The following ERC1 variants were observed in gnomAD, a reference collection of about 807,000 sequenced individuals.
The protein encoded by ERC1 is RAB6 interacting protein 2.
A neutral mutation model predicts 132.0 loss-of-function variants in ERC1; 56 were observed. The observed-to-expected ratio is 0.42, with a 90% CI of 0.34 to 0.53. The LOEUF is 0.53. Ranked by LOEUF, ERC1 falls within the 20% of genes least tolerant of loss-of-function variation. The pLI, the probability that ERC1 is intolerant of heterozygous loss-of-function variation, is 0.03. For missense variants in ERC1, 1,202 were observed against 1,349.9 expected (o/e 0.89, Z 1.72); for synonymous variants, 478 against 476.1 (o/e 1.00, Z -0.05).
chr12:1,095,277 A>G (rs1282175609), intron 3 of ERC1, among the ~76,000 whole-genome samples: 1 of 151,842 alleles, frequency 6.6e-6, no homozygotes, highest in African/African-American at 2.4e-5. Flanking sequence ...TAAAAATACA[A>G]ATATTAGCCA....
chr12:1,185,619 G>C (rs922605669), intron 11 of ERC1, among the ~76,000 whole-genome samples: 1 of 151,700 alleles, frequency 6.6e-6, no homozygotes, highest in Non-Finnish European at 1.5e-5. Context: ...GAAAGTCCCA[G>C]TTGATAGTTT....
At chr12:1,385,443 C>T (rs1421795576) in intron 16 of ERC1, among the ~76,000 whole-genome samples, 2 of 152,134 alleles carry the variant, frequency 1.3e-5, no homozygotes, top group Non-Finnish European at 2.9e-5. Flanking sequence ...CCACCACGCC[C>T]TGCTAATTTT....
chr12:1,440,435 T>C (rs1240331650), intron 17 of ERC1, among the ~76,000 whole-genome samples: 1 of 150,978 alleles, frequency 6.6e-6, no homozygotes, highest in Non-Finnish European at 1.5e-5. Flanking sequence ...CTCGATCTCC[T>C]GACCTCGTGA....
rs73600001 is a variant in ERC1, at chr12:1,469,245, C to G, written c.3214-20848C>G. Among the ~76,000 whole-genome samples, 1,094 of 152,330 alleles carry G rather than the reference C, an allele frequency of 7.2e-3. 24 individuals carry two copies. The highest frequency in any genetic ancestry group is 0.026 in the African/African-American group (1,063 of 41,576). ...CTTGAGCCCAGCTCTTGAGCACTGT[C>G]TGGTGTGGCACCCTGCAGGCTGCCA... On this transcript the variant is annotated intron_variant, in intron 18 of 18. Transcript: ENST00000360905.
intron 12 of ERC1, among the ~76,000 whole-genome samples, chr12:1,205,033 G>A (rs558116845): frequency 2.0e-5 from 3 of 152,228 alleles, no homozygotes; most frequent in East Asian, 1.9e-4. Context: ...AAACAGCAAC[G>A]ATTACTGCTA....
chr12:1,300,866 T>G (rs1405436284), intron 15 of ERC1, among the ~76,000 whole-genome samples: 1 of 151,962 alleles, frequency 6.6e-6, no homozygotes, highest in African/African-American at 2.4e-5. Context: ...ATAAATTAGT[T>G]CAACCATTGT....
In ERC1 at chr12:1,359,796, G is replaced by A. The variant is rs1053778369; in HGVS notation, c.2781-12037G>A. On this transcript the variant is annotated intron_variant, in intron 15 of 18. Transcript: ENST00000360905. ...TTATAATGTTTCACCGTAAACTGTAGTTCCCTACATATTATATTGAAAGGA... is the reference window on the plus strand; with the variant it reads ...TTATAATGTTTCACCGTAAACTGTAATTCCCTACATATTATATTGAAAGGA... 5.9e-5 allele frequency among the ~76,000 whole-genome samples: 9 copies of A among 152,142 alleles called. No individual in the cohort carries two copies. In the South Asian group the frequency reaches 1.0e-3, roughly 18 times the overall value.
chr12:1,070,624 T>C (rs1940172298), intron 2 of ERC1, among the ~76,000 whole-genome samples: 1 of 152,212 alleles, frequency 6.6e-6, no homozygotes, highest in South Asian at 2.1e-4. Flanking sequence ...TCCTACTTGT[T>C]AAGAGATTCT....
At position 1,027,804 on chromosome 12, in the gene ERC1, C is replaced by G; in HGVS notation, c.-100C>G. ...CAGCTGGGGACCTTCTTCTGATTAA[C>G]CTTAAACCAACTTGTAGCCATAGAG... On this transcript the variant is annotated 5_prime_UTR_variant, in exon 2 of 19. Coordinates refer to ENST00000360905, the MANE Select transcript of ERC1 (RefSeq NM_178040.4). The G allele has an allele frequency of 9.3e-7, 1 of 1,076,666 alleles. No individual in the cohort carries two copies. The highest frequency in any genetic ancestry group is 1.5e-5 in the South Asian group (1 of 65,282). The allele number at this position is 1,076,666 out of a possible 1,614,324, so 66.7% of individuals were successfully genotyped here. A position where few individuals can be genotyped will look rare whatever the true frequency, so the allele number is the denominator to read the frequency against.
At chr12:1,428,093 G>A (rs1439102947) in intron 17 of ERC1, among the ~76,000 whole-genome samples, 2 of 152,116 alleles carry the variant, frequency 1.3e-5, no homozygotes, top group African/African-American at 4.8e-5. Flanking sequence ...AGATCCGTGG[G>A]TTCATATCTT....
chr12:1,073,160 CA>C (rs1211493598), intron 2 of ERC1, among the ~76,000 whole-genome samples: 1 of 152,034 alleles, frequency 6.6e-6, no homozygotes, highest in East Asian at 1.9e-4. Flanking sequence ...ATTAGCTAGG[CA>C]TGGTGGCTGT....
chr12:1,017,606 C>T (rs2154143054), intron 1 of ERC1, among the ~76,000 whole-genome samples: 1 of 149,826 alleles, frequency 6.7e-6, no homozygotes, highest in South Asian at 2.1e-4. Flanking sequence ...TCAAGCGATT[C>T]TCATGCCTCA....
At chr12:1,116,318 T>C (rs1164389202) in intron 7 of ERC1, 1 of 242,940 alleles carries the variant, frequency 4.1e-6, no homozygotes, top group Admixed American at 5.3e-5. Flanking sequence ...AAAAGGATAA[T>C]TGTAAAAGAG....
At chr12:1,451,911 T>C (rs1387823045) in intron 18 of ERC1, among the ~76,000 whole-genome samples, 1 of 152,174 alleles carries the variant, frequency 6.6e-6, no homozygotes, top group East Asian at 1.9e-4. Context: ...CCATTGTAAC[T>C]GATATCCTTT....
intron 3 of ERC1, among the ~76,000 whole-genome samples, chr12:1,084,925 C>T: frequency 6.6e-6 from 1 of 152,328 alleles, no homozygotes. Flanking sequence ...TGGTCTTGAA[C>T]TCCTGGCCTC....
chr12:1,476,761 G>A (rs866168178), intron 18 of ERC1, among the ~76,000 whole-genome samples: 9 of 152,232 alleles, frequency 5.9e-5, no homozygotes, highest in Non-Finnish European at 1.2e-4. Flanking sequence ...CCTTTGACTC[G>A]GGAATTTTAA....
At chr12:1,229,293 G>T (rs2154299102) in intron 12 of ERC1, among the ~76,000 whole-genome samples, 1 of 152,274 alleles carries the variant, frequency 6.6e-6, no homozygotes, top group Non-Finnish European at 1.5e-5. Context: ...CTTGAGACCA[G>T]GAGTTGGAGA....
At chr12:991,627 T>G in intron 1 of ERC1, 1 of 123,284 alleles carries the variant, frequency 8.1e-6, no homozygotes, top group African/African-American at 3.5e-5. Flanking sequence ...GCGGTAGATG[T>G]GGGGATCCTG....
At chr12:1,232,533 C>T (rs2075122822) in intron 12 of ERC1, among the ~76,000 whole-genome samples, 1 of 151,954 alleles carries the variant, frequency 6.6e-6, no homozygotes, top group Non-Finnish European at 1.5e-5. Flanking sequence ...TAATTTTAAA[C>T]GATGTGTGTT....
Sources: gnomAD v4.1 joint callset for allele counts (sites outside exome capture counted in the v4.1 genomes callset) on GRCh38, gnomAD v4.1.1 for gene constraint, MANE v1.5 for transcripts, NCBI Gene and HGNC (gene_info 2026-07-23, HGNC 2026-07-21) for gene names.